Variants in TMEM178B observed in about 807,000 individuals in gnomAD.
The protein encoded by TMEM178B is transmembrane protein 178B.
A neutral mutation model predicts 31.0 loss-of-function variants in TMEM178B; 5 were observed. The observed-to-expected ratio is 0.16, with a 90% CI of 0.08 to 0.34. The LOEUF (loss-of-function observed/expected upper bound fraction) is 0.34, where lower values mean the gene tolerates loss of function less well. Ranked by LOEUF, TMEM178B falls within the 10% of genes least tolerant of loss-of-function variation. The probability of loss-of-function intolerance (pLI) is 1.00; values close to 1 mark genes in which losing one functional copy is unlikely to be tolerated. For synonymous variants in TMEM178B, 164 were observed against 164.0 expected (o/e 1.00, Z 0.00); for missense variants, 275 against 400.3 (o/e 0.69, Z 2.67).
downstream of TMEM178B, among the ~76,000 whole-genome samples, chr7:141,483,762 G>A (rs1450559111): frequency 6.8e-6 from 1 of 147,380 alleles, no homozygotes; most frequent in African/African-American, 2.5e-5. Context: ...TTGAGATGGA[G>A]TCTCACTCTG....
chr7:141,344,574 CCCTTCCTTCCTTCCTTCCTTCCTTCCTT>C lies in TMEM178B; in HGVS notation c.497-93006_497-92979del, dbSNP rs34831263. Among the ~76,000 whole-genome samples the C allele has an allele frequency of 1.7e-3, 238 of 137,314 alleles. 2 individuals are homozygous for C. The highest frequency in any genetic ancestry group is 5.9e-3 in the African/African-American group (212 of 36,152). The allele number at this position is 137,314 out of a possible 152,430, so 90.1% of individuals were successfully genotyped here. ...CTCCCTCCCTCCATTCCTCCCTCCTCCCTTCCTTCCTTCCTTCCTTCCTTCCTTCCTTCCTTCCTTCCTTCCTTCCTTC... is the reference window on the plus strand; with the variant it reads ...CTCCCTCCCTCCATTCCTCCCTCCTCCCTTCCTTCCTTCCTTCCTTCCTTC... On this transcript the variant is annotated intron_variant, in intron 2 of 3. Transcript: ENST00000565468. This position sits in a 1 kb window ranked among gnomAD's most constrained non-coding sequence, Gnocchi z 4.1.
At chr7:141,191,810 T>C (rs1032527198) in intron 1 of TMEM178B, among the ~76,000 whole-genome samples, 1 of 152,206 alleles carries the variant, frequency 6.6e-6, no homozygotes, top group African/African-American at 2.4e-5. Context: ...TATGGTAGGT[T>C]TTGCTATGTG....
intron 1 of TMEM178B, among the ~76,000 whole-genome samples, chr7:141,104,093 A>C (rs967586522): frequency 2.0e-4 from 31 of 152,350 alleles, no homozygotes; most frequent in African/African-American, 7.2e-4. Context: ...TTTTAGTTGA[A>C]CCTGAGCCAG....
At chr7:141,080,713 A>T (rs1339344262) in intron 1 of TMEM178B, among the ~76,000 whole-genome samples, 1 of 152,252 alleles carries the variant, frequency 6.6e-6, no homozygotes, top group Non-Finnish European at 1.5e-5. Flanking sequence ...TGCCCTTACG[A>T]AGCGCAAAGG....
chr7:141,452,128 A>G (rs964772284), intron 3 of TMEM178B, among the ~76,000 whole-genome samples: 1 of 152,200 alleles, frequency 6.6e-6, no homozygotes, highest in African/African-American at 2.4e-5. Context: ...CCGCTTGTCA[A>G]CAACACCCAC....
chr7:141,396,210 C>A (rs941185224), intron 2 of TMEM178B, among the ~76,000 whole-genome samples: 3 of 151,886 alleles, frequency 2.0e-5, no homozygotes, highest in African/African-American at 7.3e-5. Context: ...GCACGCCTCA[C>A]CTGTTGGGCA....
intron 2 of TMEM178B, among the ~76,000 whole-genome samples, chr7:141,223,034 A>T (rs1048363553): frequency 6.6e-6 from 1 of 152,192 alleles, no homozygotes; most frequent in African/African-American, 2.4e-5. Flanking sequence ...GATAAATACA[A>T]TGTGAGTACA....
In TMEM178B at chr7:141,217,158, G is replaced by C. The variant is rs1028100688; in HGVS notation, c.496+4454G>C. ...CTTTATATGCTTTTCATATCCCACA[G>C]TCTATGGTAGCAGTGCTTGTTTGGA... is the stretch of plus-strand genomic sequence containing the variant. On this transcript the variant is annotated intron_variant, in intron 2 of 3. Coordinates refer to ENST00000565468, the MANE Select transcript of TMEM178B (RefSeq NM_001195278.2). Among the ~76,000 whole-genome samples the C allele has an allele frequency of 1.2e-4, 18 of 152,198 alleles. 1 individual carries two copies. The highest frequency in any genetic ancestry group is 4.3e-4 in the African/African-American group (18 of 41,426).
intron 2 of TMEM178B, among the ~76,000 whole-genome samples, chr7:141,284,897 G>A (rs1282966892): frequency 6.6e-6 from 1 of 152,098 alleles, no homozygotes; most frequent in Non-Finnish European, 1.5e-5. Flanking sequence ...TCAGTAGGGA[G>A]CCAAGAAGGT....
chr7:141,186,486 A>G (rs927003194), intron 1 of TMEM178B, among the ~76,000 whole-genome samples: 2 of 151,912 alleles, frequency 1.3e-5, no homozygotes, highest in African/African-American at 4.8e-5. Context: ...TTCCTTGTCC[A>G]TCTCCCTCCT....
intron 1 of TMEM178B, among the ~76,000 whole-genome samples, chr7:141,207,150 A>T (rs959462372): frequency 6.6e-6 from 1 of 152,210 alleles, no homozygotes; most frequent in Admixed American, 6.5e-5. Flanking sequence ...CATTGTAGGG[A>T]TGCAATATTG....
In TMEM178B at chr7:141,267,971, C is replaced by T. The variant is rs986711397; in HGVS notation, c.496+55267C>T. On this transcript the variant is annotated intron_variant, in intron 2 of 3. Transcript: ENST00000565468. The stretch of plus-strand genomic sequence containing the variant: ...GTTGGAGCTGATAAAGAGGCACGAG[C>T]CTGATTCCAGCCCATTTGTGGCTCT... 5.9e-5 allele frequency among the ~76,000 whole-genome samples: 9 copies of T among 152,232 alleles called. 1 individual carries two copies. The highest frequency in any genetic ancestry group is 5.9e-4 in the Admixed American group (9 of 15,290).
At chr7:141,485,595 C>G in the TMEM178B span, among the ~76,000 whole-genome samples, 1 of 152,196 alleles carries the variant, frequency 6.6e-6, no homozygotes, top group Non-Finnish European at 1.5e-5. Flanking sequence ...GTCCCACTGG[C>G]TAATGAGGTG....
chr7:141,501,367 C>A, the TMEM178B span, among the ~76,000 whole-genome samples: 486 of 151,752 alleles, frequency 3.2e-3, 2 homozygotes, highest in African/African-American at 9.0e-3. Context: ...GTACTACCAC[C>A]AAGAACCTCC....
intron 2 of TMEM178B, among the ~76,000 whole-genome samples, chr7:141,349,754 G>A (rs1468951146): frequency 6.6e-6 from 1 of 152,150 alleles, no homozygotes; most frequent in Admixed American, 6.5e-5. Flanking sequence ...ACAGTGTCAA[G>A]GCCTTTTAAT....
chr7:141,373,501 GA>G (rs1278887060), intron 2 of TMEM178B, among the ~76,000 whole-genome samples: 1 of 152,222 alleles, frequency 6.6e-6, no homozygotes, highest in Non-Finnish European at 1.5e-5. Context: ...AGGAGTGAAG[GA>G]AGCAGGACTG....
intron 1 of TMEM178B, among the ~76,000 whole-genome samples, chr7:141,122,477 C>A (rs1386095276): frequency 6.6e-6 from 1 of 152,152 alleles, no homozygotes; most frequent in Non-Finnish European, 1.5e-5. Context: ...CTTAAGGACA[C>A]AAGATTGTGA....
At chr7:141,085,782 T>A (rs1283009934) in intron 1 of TMEM178B, among the ~76,000 whole-genome samples, 1 of 152,086 alleles carries the variant, frequency 6.6e-6, no homozygotes, top group African/African-American at 2.4e-5. Context: ...GCTCAGGCGA[T>A]GCTGCCTGCT....
At chr7:141,198,664 T>C (rs955744023) in intron 1 of TMEM178B, among the ~76,000 whole-genome samples, 8 of 152,188 alleles carry the variant, frequency 5.3e-5, no homozygotes, top group Admixed American at 1.3e-4. Context: ...CCTCCATCAC[T>C]GTCTCCCATC....
Sources: allele counts gnomAD v4.1 joint callset (sites outside exome capture counted in the v4.1 genomes callset), GRCh38; gene constraint gnomAD v4.1.1; non-coding constraint Gnocchi (gnomAD v3.1); transcripts MANE v1.5; gene names NCBI Gene and HGNC (gene_info 2026-07-23, HGNC 2026-07-21).